The following STRIP2 variants were observed in gnomAD, a reference collection of about 807,000 sequenced individuals.
The protein encoded by STRIP2 is striatin-interacting protein 2.
In STRIP2, 84 loss-of-function variants were observed where a neutral mutation model predicts 107.1. The ratio of observed to expected loss-of-function variants is 0.78; its 90% CI spans 0.66 to 0.94. The LOEUF is 0.94. Among genes scored for constraint, STRIP2 ranks in the 40% least tolerant of loss-of-function variants. The pLI is 0.00. For missense variants in STRIP2, 888 were observed against 1,034.2 expected (o/e 0.86, Z 1.94); for synonymous variants, 394 against 400.4 (o/e 0.98, Z 0.19).
At chr7:129,452,990 T>TAAG in intron 4 of STRIP2, among the ~76,000 whole-genome samples, 1 of 152,332 alleles carries the variant, frequency 6.6e-6, no homozygotes, top group South Asian at 2.1e-4. Context: ...GATCTGCTTC[T>TAAG]GGGAGAACTC....
chr7:129,453,079 C>T (rs1325195127), intron 4 of STRIP2, 148 bp from the exon 5 acceptor site: 1 of 1,027,142 alleles, frequency 9.7e-7, no homozygotes, highest in Non-Finnish European at 1.4e-6. Flanking sequence ...TGACTCATTC[C>T]AGGAAGTTCT....
chr7:129,448,827 T>C (rs185462337), intron 3 of STRIP2, among the ~76,000 whole-genome samples: 1 of 152,336 alleles, frequency 6.6e-6, no homozygotes, highest in East Asian at 1.9e-4. Flanking sequence ...TTCCCACCAT[T>C]AGCTCTGGCA....
intron 1 of STRIP2, among the ~76,000 whole-genome samples, chr7:129,439,426 A>G (rs1270174401): frequency 1.3e-5 from 2 of 152,214 alleles, no homozygotes; most frequent in African/African-American, 4.8e-5. Flanking sequence ...AAGTTAGAAG[A>G]TGGGATTATA....
At chr7:129,447,876 G>A (rs1487330158) in intron 3 of STRIP2, among the ~76,000 whole-genome samples, 1 of 152,218 alleles carries the variant, frequency 6.6e-6, no homozygotes, top group Non-Finnish European at 1.5e-5. Context: ...CTTCTGCACA[G>A]GTCAAATGCG....
Position 129,487,904 on chromosome 7 carries a change from T to A in STRIP2, c.*2075T>A, listed in dbSNP as rs1273371521. 1 of 152,232 alleles carries A rather than the reference T, an allele frequency of 6.6e-6. No individual in the cohort carries two copies. The highest frequency in any genetic ancestry group is 2.4e-5 in the African/African-American group (1 of 41,458). The allele number at this position is 152,232 out of a possible 1,614,324, so 9.4% of individuals were successfully genotyped here. A position where few individuals can be genotyped will look rare whatever the true frequency, so the allele number is the denominator to read the frequency against. Reference sequence around the variant, plus strand: ...TATGCTAAGCTTTAACATTTTGTATTTATTTACAACCCTTTTCTAAGGGAA... The same window carrying A: ...TATGCTAAGCTTTAACATTTTGTATATATTTACAACCCTTTTCTAAGGGAA... On this transcript the variant is annotated 3_prime_UTR_variant, in exon 21 of 21. Coordinates refer to ENST00000249344, the MANE Select transcript of STRIP2 (RefSeq NM_020704.3).
chr7:129,474,037 T>C (rs1798857187), intron 18 of STRIP2, among the ~76,000 whole-genome samples: 2 of 152,214 alleles, frequency 1.3e-5, no homozygotes, highest in Non-Finnish European at 2.9e-5. Flanking sequence ...TTTTTAATAG[T>C]TACACATAAT....
At position 129,434,565 on chromosome 7, in the gene STRIP2, CCG is replaced by C; in HGVS notation, c.96_97del (p.Glu33SerfsTer21). ...GKGKQAAPKG[R>X]EAFRSQRRES... ...AAGGGAAGCAGGCGGCGCCCAAGGG[CCG>C]CGAAGCGTTCCGAAGCCAGCGGCGG... On this transcript the variant is annotated frameshift_variant, in exon 1 of 21. Coordinates refer to ENST00000249344, the MANE Select transcript of STRIP2 (RefSeq NM_020704.3). LOFTEE classifies it high-confidence loss of function. The C allele has an allele frequency of 6.6e-7, 1 of 1,516,342 alleles. No homozygotes were observed. 93.9% of individuals were successfully genotyped at this position (1,516,342 alleles called of 1,614,324 possible).
At chr7:129,466,728 A>C (rs1352678430) in intron 16 of STRIP2, among the ~76,000 whole-genome samples, 1 of 152,196 alleles carries the variant, frequency 6.6e-6, no homozygotes, top group Admixed American at 6.5e-5. Context: ...TAGACTTCTC[A>C]GTGCAGTATC....
Position 129,483,006 on chromosome 7 carries a change from A to C in STRIP2, c.2214A>C (p.Lys738Asn). 6.2e-7 allele frequency: 1 copy of C among 1,614,240 alleles called. No individual in the cohort carries two copies. The highest frequency in any genetic ancestry group is 8.5e-7 in the Non-Finnish European group (1 of 1,180,042). ...AAACCATGTCAGCCATTTACCAGAA[A>C]GTGCGTCACCGCATGAACGATGACT... ...NMKTMSAIYQ[K>N]VRHRMNDDWA... The change falls in exon 20 of 21, where the codon AAA becomes AAC. Residue 738 changes from lysine (K) to asparagine (N), a missense_variant. Physicochemically the swap from Lys to Asn is moderately conservative, Grantham distance 94 (BLOSUM62 0). Transcript: ENST00000249344. This position sits in a 1 kb window ranked among gnomAD's most constrained non-coding sequence, Gnocchi z 5.1.
At chr7:129,446,548 G>A (rs554952089) in intron 3 of STRIP2, among the ~76,000 whole-genome samples, 1 of 152,322 alleles carries the variant, frequency 6.6e-6, no homozygotes, top group Non-Finnish European at 1.5e-5. Context: ...GTCCTTCAGG[G>A]ATGTCCTAGA....
At chr7:129,435,935 A>AT (rs995927355) in intron 1 of STRIP2, among the ~76,000 whole-genome samples, 2 of 151,608 alleles carry the variant, frequency 1.3e-5, no homozygotes, top group African/African-American at 2.4e-5. Flanking sequence ...GAATCCATTC[A>AT]TTTTTTTTCA....
At chr7:129,452,669 G>GT (rs1798228528) in intron 4 of STRIP2, among the ~76,000 whole-genome samples, 1 of 152,246 alleles carries the variant, frequency 6.6e-6, no homozygotes, top group Non-Finnish European at 1.5e-5. Flanking sequence ...TTATAGGCAT[G>GT]TGCCACCATG....
chr7:129,474,338 A>G (rs1417427478), intron 18 of STRIP2, among the ~76,000 whole-genome samples: 1 of 152,048 alleles, frequency 6.6e-6, no homozygotes, highest in Non-Finnish European at 1.5e-5. Context: ...TTTTTTAGAG[A>G]TAAAATCTCC....
chr7:129,442,522 G>A (rs1395005782), intron 2 of STRIP2, among the ~76,000 whole-genome samples: 1 of 152,088 alleles, frequency 6.6e-6, no homozygotes, highest in African/African-American at 2.4e-5. Context: ...TAATACACAG[G>A]TGTCTTAAAT....
chr7:129,456,702 A>G (rs1798366631), intron 9 of STRIP2, 60 bp downstream of exon 9: 2 of 1,480,912 alleles, frequency 1.4e-6, no homozygotes, highest in African/African-American at 1.4e-5. Context: ...CAAGATTCTA[A>G]GTTACTCTGG....
Position 129,464,896 on chromosome 7 carries a change from G to A in STRIP2, c.1776+158G>A, listed in dbSNP as rs575504631. Reference sequence around the variant, plus strand: ...CCAGCCACCCATTGCATGAGCTTGAGGTAGGGTTATGGAGTGGGAACTGTC... The same window carrying A: ...CCAGCCACCCATTGCATGAGCTTGAAGTAGGGTTATGGAGTGGGAACTGTC... On this transcript the variant is annotated intron_variant, in intron 16 of 20. Coordinates refer to ENST00000249344, the MANE Select transcript of STRIP2 (RefSeq NM_020704.3). 1.2e-4 allele frequency among the ~76,000 whole-genome samples: 18 copies of A among 152,274 alleles called. No individual in the cohort carries two copies. In the East Asian group the frequency reaches 3.3e-3, roughly 28 times the overall value.
intron 18 of STRIP2, among the ~76,000 whole-genome samples, chr7:129,477,590 T>TC (rs2151017338): frequency 1.3e-5 from 2 of 152,316 alleles, no homozygotes; most frequent in African/African-American, 4.8e-5. Context: ...AATTTTTTTT[T>TC]CTCCTTCCTC....
chr7:129,459,513 A>G lies in STRIP2; in HGVS notation c.1341-4A>G, dbSNP rs1275132614. ...TATGATCTGGTATGTCTGGCCTTTTACAGGGACACAGATACATTGGTTGGA... is the reference window on the plus strand; with the variant it reads ...TATGATCTGGTATGTCTGGCCTTTTGCAGGGACACAGATACATTGGTTGGA... On this transcript the variant is annotated splice_region_variant and splice_polypyrimidine_tract_variant and intron_variant, in intron 11 of 20. Transcript: ENST00000249344. 6.2e-7 allele frequency: 1 copy of G among 1,613,762 alleles called. No homozygotes were observed. The highest frequency in any genetic ancestry group is 1.3e-5 in the African/African-American group (1 of 74,870).
At chr7:129,434,792 C>G (rs1584927162) in intron 1 of STRIP2, among the ~76,000 whole-genome samples, 191 bp downstream of exon 1, 1 of 152,264 alleles carries the variant, frequency 6.6e-6, no homozygotes, top group South Asian at 2.1e-4. Flanking sequence ...CGTCTCCTGC[C>G]GCGGGTTGGG....
Sources: allele counts gnomAD v4.1 joint callset (sites outside exome capture counted in the v4.1 genomes callset), GRCh38; gene constraint gnomAD v4.1.1; non-coding constraint Gnocchi (gnomAD v3.1); transcripts MANE v1.5; gene names NCBI Gene and HGNC (gene_info 2026-07-23, HGNC 2026-07-21).